The following ZSWIM8 variants were observed in gnomAD, a reference collection of about 807,000 sequenced individuals.
ZSWIM8 encodes the protein zinc finger SWIM domain-containing protein 8.
ZSWIM8 carries 27 observed loss-of-function variants against 173.7 expected under a neutral mutation model. The ratio of observed to expected loss-of-function variants is 0.16; its 90% CI spans 0.11 to 0.21. The LOEUF (loss-of-function observed/expected upper bound fraction) is 0.21, where lower values mean the gene tolerates loss of function less well. Among genes scored for constraint, ZSWIM8 ranks in the 10% least tolerant of loss-of-function variants. The pLI is 1.00. For missense variants in ZSWIM8, 1,627 were observed against 2,428.8 expected (o/e 0.67, Z 6.94); for synonymous variants, 958 against 962.0 (o/e 1.00, Z 0.08).
In ZSWIM8 at chr10:73,799,244, T is replaced by A; in HGVS notation, c.4419T>A (p.Val1473=). 6.2e-7 allele frequency: 1 copy of A among 1,603,524 alleles called. No homozygotes were observed. The highest frequency in any genetic ancestry group is 8.5e-7 in the Non-Finnish European group (1 of 1,175,154). Reference sequence around the variant, plus strand: ...GAGGGGGCCCAGGGACTGAGCCGGTTACAGTGGCAGCGGCAGCAGTGACAG... The same window carrying A: ...GAGGGGGCCCAGGGACTGAGCCGGTAACAGTGGCAGCGGCAGCAGTGACAG... The part of the protein sequence containing the change: ...EGRGGPGTEP[V]TVAAAAVTAA... Residue 1473 remains valine (V), a synonymous_variant, in exon 21 of 26, where the codon GTT becomes GTA. Transcript: ENST00000604729.
Position 73,791,538 on chromosome 10 carries a change from G to C in ZSWIM8, c.1319+39G>C, listed in dbSNP as rs960906877. The C allele has an allele frequency of 4.5e-6, 7 of 1,541,776 alleles. No homozygotes were observed. The highest frequency in any genetic ancestry group is 6.2e-6 in the Non-Finnish European group (7 of 1,137,436). On this transcript the variant is annotated intron_variant, in intron 9 of 25. Coordinates refer to ENST00000604729, the MANE Select transcript of ZSWIM8 (RefSeq NM_001367799.1). The surrounding 1 kb of genome is among the most constrained non-coding windows in gnomAD (Gnocchi z 6.0). ...GAGGCTCACCACAGAACTGAGCCTG[G>C]GCCAGCTCAGGACAGACTGAGCCTT...
intron 1 of ZSWIM8, 43 bp from the exon 2 acceptor site, chr10:73,788,627 T>A (rs774804753): frequency 3.1e-6 from 5 of 1,605,864 alleles, no homozygotes; most frequent in Non-Finnish European, 4.3e-6. Flanking sequence ...GCCCTTTTCA[T>A]TTCCTATTCT....
chr10:73,791,826 C>T lies in ZSWIM8; in HGVS notation c.1320-33C>T, dbSNP rs1356765848. 2 of 1,478,662 alleles carry T rather than the reference C, an allele frequency of 1.4e-6. No individual in the cohort carries two copies. Among genetic ancestry groups the T allele is most frequent in the Non-Finnish European group, 1.8e-6 (2 of 1,106,380 alleles). The allele number at this position is 1,478,662 out of a possible 1,614,324, so 91.6% of individuals were successfully genotyped here. Reference sequence around the variant, plus strand: ...TCCATGCCCATCCTTTCCCAGTAGCCCCTCAGCAGCCTCCTGCCCCTTGTT... The same window carrying T: ...TCCATGCCCATCCTTTCCCAGTAGCTCCTCAGCAGCCTCCTGCCCCTTGTT... On this transcript the variant is annotated intron_variant, in intron 9 of 25. Transcript: ENST00000604729. This position sits in a 1 kb window ranked among gnomAD's most constrained non-coding sequence, Gnocchi z 6.0.
rs190998825 is a variant in ZSWIM8, at chr10:73,787,357, G to A, written c.208+1271G>A. 1.0e-3 allele frequency among the ~76,000 whole-genome samples: 154 copies of A among 152,302 alleles called. 8 individuals are homozygous for A. Among genetic ancestry groups the A allele is most frequent in the African/African-American group, 3.3e-3 (138 of 41,568 alleles). ...CACAGATCATAGGCAGTTTTACCGT[G>A]GGTCTTCTGTGGCCTTCTGGCTTCT... On this transcript the variant is annotated intron_variant, in intron 1 of 25. Coordinates refer to ENST00000604729, the MANE Select transcript of ZSWIM8 (RefSeq NM_001367799.1).
chr10:73,799,514 G>A (rs772420526), intron 21 of ZSWIM8, 24 bp downstream of exon 21: 13 of 1,587,796 alleles, frequency 8.2e-6, no homozygotes, highest in Non-Finnish European at 1.1e-5. Flanking sequence ...TCTGCTGGGG[G>A]GTAAGGCATG....
At chr10:73,793,373 T>C (rs2083490486) in intron 10 of ZSWIM8, among the ~76,000 whole-genome samples, 1 of 152,168 alleles carries the variant, frequency 6.6e-6, no homozygotes, top group Non-Finnish European at 1.5e-5. Context: ...CCCCAAGATA[T>C]CCCACCTGCT....
At chr10:73,790,929 C>T (rs768810936) in intron 7 of ZSWIM8, 46 bp from the exon 8 acceptor site, 2 of 1,537,474 alleles carry the variant, frequency 1.3e-6, no homozygotes, top group East Asian at 2.3e-5. Context: ...AGGTTTCATT[C>T]AGCCCCGTCT....
intron 7 of ZSWIM8, 76 bp from the exon 8 acceptor site, chr10:73,790,899 T>C (rs759221301): frequency 2.2e-6 from 3 of 1,378,846 alleles, no homozygotes; most frequent in Non-Finnish European, 3.0e-6. Flanking sequence ...CTTCTGTATT[T>C]TGGGGCCGGA....
At chr10:73,786,895 G>A (rs2083246409) in intron 1 of ZSWIM8, among the ~76,000 whole-genome samples, 1 of 151,848 alleles carries the variant, frequency 6.6e-6, no homozygotes, top group East Asian at 1.9e-4. Context: ...ACTGGCTTGT[G>A]GAGATTTCTG....
Position 73,785,768 on chromosome 10 carries a change from AC to A in ZSWIM8, c.-106del. Reference sequence around the variant, plus strand: ...CACGGCCGCCCTGAGCGCCCCGGCCACCCCCAGCCCCGGCTCGCCCCTCAGG... The same window carrying A: ...CACGGCCGCCCTGAGCGCCCCGGCCACCCCAGCCCCGGCTCGCCCCTCAGG... On this transcript the variant is annotated 5_prime_UTR_variant, in exon 1 of 26. Coordinates refer to ENST00000604729, the MANE Select transcript of ZSWIM8 (RefSeq NM_001367799.1). The A allele has an allele frequency of 8.2e-7, 1 of 1,214,016 alleles. No homozygotes were observed. The highest frequency in any genetic ancestry group is 1.1e-6 in the Non-Finnish European group (1 of 869,764). The allele number at this position is 1,214,016 out of a possible 1,614,324, so 75.2% of individuals were successfully genotyped here.
chr10:73,794,074 C>CA, intron 12 of ZSWIM8, 30 bp downstream of exon 12: 1 of 1,611,306 alleles, frequency 6.2e-7, no homozygotes, highest in Non-Finnish European at 8.5e-7. Context: ...CCTTGTATTT[C>CA]AGTCTCTTTA....
chr10:73,792,661 A>G lies in ZSWIM8; in HGVS notation c.2122A>G (p.Ser708Gly), dbSNP rs771918831. Residue 708 changes from serine to glycine, a missense_variant, in exon 10 of 26, where the codon AGT (serine) becomes GGT (glycine). This residue lies in a region of ZSWIM8 where 383 missense variants were observed against 394.8 expected (regional missense o/e 0.97). Transcript: ENST00000604729. This position sits in a 1 kb window ranked among gnomAD's most constrained non-coding sequence, Gnocchi z 4.3. ...TQDDLPSTDE[S>G]GNGLPKTKEA... is the part of the protein sequence containing the mutation. ...GGACGACCTCCCTTCTACAGATGAG[A>G]GTGGCAATGGGCTTCCCAAAACCAA... 7 of 1,613,992 alleles carry G rather than the reference A, an allele frequency of 4.3e-6. No individual in the cohort carries two copies. The Admixed American group carries it at 1.2e-4, about 27-fold the overall frequency.
Position 73,797,041 on chromosome 10 carries a change from G to A in ZSWIM8, c.3274+27G>A, listed in dbSNP as rs1294216517. 20 of 1,609,706 alleles carry A rather than the reference G, an allele frequency of 1.2e-5. No homozygotes were observed. Among genetic ancestry groups the A allele is most frequent in the Admixed American group, 6.7e-5 (4 of 59,762 alleles). On this transcript the variant is annotated intron_variant, in intron 16 of 25. Transcript: ENST00000604729. This position sits in a 1 kb window ranked among gnomAD's most constrained non-coding sequence, Gnocchi z 5.6. ...TGAGGTGGGGGCACTGGGCAGGGGG[G>A]ATGAATGGTGTGGACCTATGTTGAG...
At chr10:73,794,672 G>A (rs767423649) in intron 14 of ZSWIM8, 33 bp downstream of exon 14, 2 of 1,529,158 alleles carry the variant, frequency 1.3e-6, no homozygotes, top group Admixed American at 2.0e-5. Context: ...AGCTAAGCCT[G>A]GTTCAGGTCT....
In ZSWIM8 at chr10:73,801,439, C is replaced by T. The variant is rs570838602; in HGVS notation, c.5425C>T (p.Leu1809=). Residue 1809 remains leucine, a synonymous_variant, in exon 26 of 26, where the codon CTA becomes TTA. Transcript: ENST00000604729. The surrounding 1 kb of genome is among the most constrained non-coding windows in gnomAD (Gnocchi z 4.9). ...GGGCATGATGCAGTTCAACGACATC[C>T]TACAGAACCTCAAGCGCAGCAAACA... ...PMGMMQFNDI[L]QNLKRSKQTK... The T allele has an allele frequency of 6.2e-7, 1 of 1,613,916 alleles. No individual in the cohort carries two copies. Among genetic ancestry groups the T allele is most frequent in the Non-Finnish European group, 8.5e-7 (1 of 1,179,848 alleles).
chr10:73,785,669 A>G lies in ZSWIM8; in HGVS notation c.-210A>G, dbSNP rs1166773987. The G allele has an allele frequency of 4.7e-6, 3 of 643,608 alleles. No homozygotes were observed. The highest frequency in any genetic ancestry group is 1.9e-5 in the African/African-American group (1 of 53,264). 39.9% of individuals were successfully genotyped at this position (643,608 alleles called of 1,614,324 possible). On this transcript the variant is annotated 5_prime_UTR_variant, in exon 1 of 26. Coordinates refer to ENST00000604729, the MANE Select transcript of ZSWIM8 (RefSeq NM_001367799.1). Reference sequence around the variant, plus strand: ...GGCCCTAAGTCTCGGAGACTGGCCAAGATCACCGCTTGCACCGCGCTGTTG... The same window carrying G: ...GGCCCTAAGTCTCGGAGACTGGCCAGGATCACCGCTTGCACCGCGCTGTTG...
chr10:73,791,189 C>CG lies in ZSWIM8; in HGVS notation c.1143+14dup. 1 of 1,585,204 alleles carries CG rather than the reference C, an allele frequency of 6.3e-7. No individual in the cohort carries two copies. Among genetic ancestry groups the CG allele is most frequent in the Non-Finnish European group, 8.6e-7 (1 of 1,160,018 alleles). ...CACCTATGAACAGGTAATCACTCAG[C>CG]GTTGGGGAGCCCCGTGGTAGCTCAT... On this transcript the variant is annotated intron_variant, in intron 8 of 25. Transcript: ENST00000604729. This position sits in a 1 kb window ranked among gnomAD's most constrained non-coding sequence, Gnocchi z 6.0.
In ZSWIM8 at chr10:73,800,004, C is replaced by T. The variant is rs765430154; in HGVS notation, c.4666-7C>T. On this transcript the variant is annotated splice_polypyrimidine_tract_variant and splice_region_variant and intron_variant, in intron 21 of 25. Transcript: ENST00000604729. This position sits in a 1 kb window ranked among gnomAD's most constrained non-coding sequence, Gnocchi z 4.1. The stretch of plus-strand genomic sequence containing the variant: ...GGCATCTTCCCCTTTCTTCTCCCTG[C>T]CCCTAGGGTGTGCATCCTGCATTCC... 1.2e-6 allele frequency: 2 copies of T among 1,612,322 alleles called. No homozygotes were observed. The highest frequency in any genetic ancestry group is 4.5e-5 in the East Asian group (2 of 44,878).
In ZSWIM8 at chr10:73,793,816, A is replaced by G. The variant is rs745838845; in HGVS notation, c.2446-49A>G. On this transcript the variant is annotated intron_variant, in intron 11 of 25. Coordinates refer to ENST00000604729, the MANE Select transcript of ZSWIM8 (RefSeq NM_001367799.1). ...TGAGAGCATCCTTCTACCTCCACCA[A>G]GGTAAGTCAGAATCATCTGCCTGTC... 3.8e-6 allele frequency: 6 copies of G among 1,572,304 alleles called. No homozygotes were observed. The South Asian group carries it at 5.9e-5, about 15-fold the overall frequency.
Sources: allele counts gnomAD v4.1 joint callset (sites outside exome capture counted in the v4.1 genomes callset), GRCh38; gene constraint gnomAD v4.1.1; regional missense constraint gnomAD v4.1.1; non-coding constraint Gnocchi (gnomAD v3.1); transcripts MANE v1.5; gene names NCBI Gene and HGNC (gene_info 2026-07-23, HGNC 2026-07-21).